CORO2A: variants seen among roughly 807,000 people sequenced by gnomAD.
The protein encoded by CORO2A is coronin 2A.
CORO2A carries 47 observed loss-of-function variants against 62.4 expected under a neutral mutation model. That is an observed-to-expected ratio of 0.75 (90% CI 0.60 to 0.96). The LOEUF is 0.96. Ranked by LOEUF, CORO2A falls within the 40% of genes least tolerant of loss-of-function variation. CORO2A has a pLI of 0.00. For missense variants in CORO2A, 610 were observed against 684.1 expected, an observed-to-expected ratio of 0.89 and a Z score of 1.21; for synonymous variants, 273 against 268.9, an observed-to-expected ratio of 1.02 and a Z score of -0.15.
chr9:98,176,923 G>C (rs1828116131), intron 1 of CORO2A, among the ~76,000 whole-genome samples: 1 of 152,214 alleles, frequency 6.6e-6, no homozygotes, highest in African/African-American at 2.4e-5. Flanking sequence ...ACACAGAACA[G>C]AGTCCTGTCT....
rs148389618 is a variant in CORO2A at position 98,137,592 on chromosome 9, A to T, written c.298T>A (p.Ser100Thr). 12 of 1,614,026 alleles carry T rather than the reference A, an allele frequency of 7.4e-6. No individual in the cohort carries two copies. The highest frequency in any genetic ancestry group is 9.3e-6 in the Non-Finnish European group (11 of 1,179,974). The change falls in exon 3 of 12, where the codon TCC (serine) becomes ACC (threonine). Residue 100 changes from serine (S) to threonine (T), a missense_variant. By Grantham distance (58) the Ser-to-Thr change is moderately conservative (BLOSUM62 1). Coordinates refer to ENST00000375077, the MANE Select transcript of CORO2A (RefSeq NM_052820.4). ...WNPFDDFEIA[S>T]CSEDATIKIW... Reference sequence around the variant, plus strand: ...CTCACTGTGGCATCTTCAGAACAGGAGGCGATCTCAAAATCATCAAAAGGG... The same window carrying T: ...CTCACTGTGGCATCTTCAGAACAGGTGGCGATCTCAAAATCATCAAAAGGG...
intron 1 of CORO2A, among the ~76,000 whole-genome samples, chr9:98,185,615 C>A (rs1395044697): frequency 6.6e-6 from 1 of 152,222 alleles, no homozygotes; most frequent in Non-Finnish European, 1.5e-5. Flanking sequence ...CAGGAGGGGG[C>A]TCTGTCTGCA....
intron 2 of CORO2A, among the ~76,000 whole-genome samples, chr9:98,146,226 C>G (rs777023080): frequency 1.3e-5 from 2 of 152,206 alleles, no homozygotes; most frequent in African/African-American, 2.4e-5. Context: ...TCTTCACCCC[C>G]TCCCTGGAGT....
intron 1 of CORO2A, among the ~76,000 whole-genome samples, chr9:98,191,773 G>A (rs7029397): frequency 0.24 from 35,844 of 152,152 alleles, 4,316 homozygotes; most frequent in African/African-American, 0.25. Flanking sequence ...CCCCTCTGAG[G>A]TCCAGGCGTG....
At chr9:98,163,470 G>A (rs1352147821) in intron 1 of CORO2A, among the ~76,000 whole-genome samples, 15 of 152,222 alleles carry the variant, frequency 9.9e-5, no homozygotes, top group Admixed American at 7.2e-4. Context: ...GATTACAGGC[G>A]TAAGCCATTG....
At chr9:98,180,461 C>T (rs893784992) in intron 1 of CORO2A, among the ~76,000 whole-genome samples, 7 of 152,098 alleles carry the variant, frequency 4.6e-5, no homozygotes, top group Non-Finnish European at 7.4e-5. Flanking sequence ...GAAAGGAACC[C>T]GCAACACAGA....
At position 98,134,924 on chromosome 9, in the gene CORO2A, A is replaced by G; in HGVS notation, c.350T>C (p.Leu117Pro). 11 of 1,614,144 alleles carry G rather than the reference A, an allele frequency of 6.8e-6. No individual in the cohort carries two copies. Among genetic ancestry groups the G allele is most frequent in the Non-Finnish European group, 8.5e-6 (10 of 1,180,014 alleles). The change falls in exon 4 of 12, where the codon CTG becomes CCG. Residue 117 changes from leucine to proline, a missense_variant. Transcript: ENST00000375077. ...IKIWSIPKQL[L>P]TRNLTAYRKE... is the part of the protein sequence containing the mutation. ...CCTGTAGGCCGTGAGGTTCCTGGTC[A>G]GCAGCTGCTTGGGGATGCTCCAGAT...
intron 10 of CORO2A, among the ~76,000 whole-genome samples, chr9:98,127,326 G>A (rs184343000): frequency 3.0e-3 from 463 of 152,312 alleles, no homozygotes; most frequent in Middle Eastern, 0.01. Flanking sequence ...AGTACACCAG[G>A]AGGCCCGCTC....
rs111806669 is a variant in CORO2A at position 98,184,653 on chromosome 9, C to G, written c.-1+7906G>C. 6.8e-3 allele frequency among the ~76,000 whole-genome samples: 1,030 copies of G among 152,312 alleles called. 17 individuals are homozygous for G. Among genetic ancestry groups the G allele is most frequent in the African/African-American group, 0.023 (960 of 41,570 alleles). ...GGGTCTGACGTTGTTCCTCCTCATC[C>G]TCAGAGTGGGGCTGTGATCTGTGAT... On this transcript the variant is annotated intron_variant, in intron 1 of 11. Transcript: ENST00000375077.
chr9:98,129,920 G>A, intron 7 of CORO2A, 30 bp from the exon 8 acceptor site: 2 of 1,564,056 alleles, frequency 1.3e-6, no homozygotes, highest in Non-Finnish European at 1.8e-6. Flanking sequence ...AGAGGAGGGT[G>A]AGATTCAGAG....
chr9:98,157,353 G>T, intron 2 of CORO2A, 107 bp downstream of exon 2: 2 of 980,566 alleles, frequency 2.0e-6, no homozygotes, highest in Admixed American at 2.6e-5. Context: ...AGGTCACACA[G>T]CTAGTAATGG....
chr9:98,154,244 A>G (rs1274373836), intron 2 of CORO2A, among the ~76,000 whole-genome samples: 1 of 150,256 alleles, frequency 6.7e-6, no homozygotes, highest in Non-Finnish European at 1.5e-5. Flanking sequence ...AATGTTTGTA[A>G]AAGATTAGAA....
intron 8 of CORO2A, among the ~76,000 whole-genome samples, chr9:98,129,468 G>A (rs1029052177): frequency 6.6e-6 from 1 of 152,190 alleles, no homozygotes; most frequent in Non-Finnish European, 1.5e-5. Context: ...GCTCTTCTAG[G>A]TCAGCCCTTT....
intron 2 of CORO2A, among the ~76,000 whole-genome samples, chr9:98,139,365 C>T (rs532152510): frequency 6.6e-5 from 10 of 152,242 alleles, no homozygotes; most frequent in African/African-American, 2.2e-4. Context: ...TGGTGGCTCA[C>T]GGCTGTAATC....
chr9:98,176,489 C>G (rs1378235581), intron 1 of CORO2A, among the ~76,000 whole-genome samples: 1 of 152,210 alleles, frequency 6.6e-6, no homozygotes, highest in Non-Finnish European at 1.5e-5. Context: ...ATTTTCCCCA[C>G]TGCCCTACCT....
rs11379239 is a variant in CORO2A, at chr9:98,155,342, A to ATT, written c.201+2116_201+2117dup. Among the ~76,000 whole-genome samples the ATT allele has an allele frequency of 9.8e-3, 993 of 101,838 alleles. 16 individuals are homozygous for ATT. Among genetic ancestry groups the ATT allele is most frequent in the East Asian group, 0.021 (72 of 3,486 alleles). The allele number at this position is 101,838 out of a possible 152,430, so 66.8% of individuals were successfully genotyped here. On this transcript the variant is annotated intron_variant, in intron 2 of 11. Coordinates refer to ENST00000375077, the MANE Select transcript of CORO2A (RefSeq NM_052820.4). ...CTTTAAGGGAAATTTTTATTGCTCA[A>ATT]TTTTTTTTTTTTTTTTTTTTTTGAG...
rs1285829803 is a variant in CORO2A, at chr9:98,184,316, C to T, written c.-1+8243G>A. Among the ~76,000 whole-genome samples, 7 of 151,746 alleles carry T rather than the reference C, an allele frequency of 4.6e-5. No homozygotes were observed. The East Asian group carries it at 5.8e-4, about 13-fold the overall frequency. On this transcript the variant is annotated intron_variant, in intron 1 of 11. Coordinates refer to ENST00000375077, the MANE Select transcript of CORO2A (RefSeq NM_052820.4). Reference sequence around the variant, plus strand: ...TGGCTTCCCAAAGTGCTGGGATTACCAGGAGGAGCCACCATGCCCAGCCAA... The same window carrying T: ...TGGCTTCCCAAAGTGCTGGGATTACTAGGAGGAGCCACCATGCCCAGCCAA...
intron 10 of CORO2A, among the ~76,000 whole-genome samples, chr9:98,127,868 G>T (rs1205649385): frequency 2.0e-5 from 3 of 149,180 alleles, no homozygotes; most frequent in African/African-American, 7.4e-5. Flanking sequence ...TAGGGGTGGG[G>T]AACAGGGACA....
intron 2 of CORO2A, among the ~76,000 whole-genome samples, chr9:98,139,816 T>A (rs1827541982): frequency 6.6e-6 from 1 of 152,088 alleles, no homozygotes; most frequent in South Asian, 2.1e-4. Flanking sequence ...CAAAACACGG[T>A]GAATTTTCTG....
Sources: gnomAD v4.1 joint callset for allele counts (sites outside exome capture counted in the v4.1 genomes callset) on GRCh38, gnomAD v4.1.1 for gene constraint, MANE v1.5 for transcripts, NCBI Gene and HGNC (gene_info 2026-07-23, HGNC 2026-07-21) for gene names.